HECW2: variants seen among roughly 807,000 people sequenced by gnomAD.
HECW2 encodes the protein E3 ubiquitin-protein ligase HECW2.
Under a neutral mutation model 175.2 loss-of-function variants are expected in HECW2, and 61 were observed. The observed-to-expected ratio is 0.35, with a 90% CI of 0.28 to 0.43. HECW2 has a LOEUF of 0.43. Among genes scored for constraint, HECW2 ranks in the 20% least tolerant of loss-of-function variants. The pLI is 1.00. For synonymous variants in HECW2, 671 were observed against 731.0 expected (o/e 0.92, Z 1.32); for missense variants, 1,524 against 2,000.5 (o/e 0.76, Z 4.54).
At position 196,483,607 on chromosome 2, in the gene HECW2, A is replaced by G. The variant is rs77772394; in HGVS notation, c.-35-50149T>C. Among the ~76,000 whole-genome samples, 1,107 of 152,330 alleles carry G rather than the reference A, an allele frequency of 7.3e-3. 22 individuals carry two copies. Among genetic ancestry groups the G allele is most frequent in the African/African-American group, 0.026 (1,062 of 41,560 alleles). On this transcript the variant is annotated intron_variant, in intron 1 of 28. Coordinates refer to ENST00000644978, the MANE Select transcript of HECW2 (RefSeq NM_001348768.2). Reference sequence around the variant, plus strand: ...GAGAACACACCATCACCTCTAAAGTATAAGTCTTACCAAAAATATCAAACC... The same window carrying G: ...GAGAACACACCATCACCTCTAAAGTGTAAGTCTTACCAAAAATATCAAACC...
At chr2:196,371,733 G>A (rs900205651) in intron 2 of HECW2, among the ~76,000 whole-genome samples, 1 of 152,006 alleles carries the variant, frequency 6.6e-6, no homozygotes, top group African/African-American at 2.4e-5. Flanking sequence ...GGTAGTCTGC[G>A]AAGCACTGGT....
rs200129206 is a variant in HECW2 at position 196,319,479 on chromosome 2, C to T, written c.1411G>A (p.Glu471Lys). 5.3e-5 allele frequency: 85 copies of T among 1,613,988 alleles called. No individual in the cohort carries two copies. Among genetic ancestry groups the T allele is most frequent in the Non-Finnish European group, 6.5e-5 (77 of 1,180,028 alleles). The stretch of plus-strand genomic sequence containing the variant: ...GGGTAACCCAGGTCTTGCTGGAACT[C>T]GTGATCTTCTTCATCTGAATCAATA... ...LHIDSDEEDH[E>K]FQQDLGYPSS... The change falls in exon 9 of 29, where the codon GAG becomes AAG. Residue 471 changes from glutamate (E) to lysine (K), a missense_variant. Coordinates refer to ENST00000644978, the MANE Select transcript of HECW2 (RefSeq NM_001348768.2).
At chr2:196,551,917 C>T (rs1318587414) in intron 1 of HECW2, among the ~76,000 whole-genome samples, 3 of 152,178 alleles carry the variant, frequency 2.0e-5, no homozygotes, top group Admixed American at 6.5e-5. Context: ...ATATGCAATA[C>T]TTCTTCATTT....
At chr2:196,397,481 T>C (rs769278813) in intron 2 of HECW2, among the ~76,000 whole-genome samples, 2 of 152,248 alleles carry the variant, frequency 1.3e-5, no homozygotes, top group Admixed American at 6.5e-5. Context: ...TAAATTCTTT[T>C]TGGGGTGAAG....
chr2:196,512,693 C>T (rs925734164), intron 1 of HECW2, among the ~76,000 whole-genome samples: 2 of 144,900 alleles, frequency 1.4e-5, no homozygotes, highest in Admixed American at 6.9e-5. Context: ...CCAGATTATA[C>T]TTTTTTTTTT....
intron 1 of HECW2, among the ~76,000 whole-genome samples, chr2:196,582,051 G>A (rs1005956292): frequency 7.0e-6 from 1 of 141,980 alleles, no homozygotes; most frequent in Non-Finnish European, 1.5e-5. Flanking sequence ...GGGTGACATA[G>A]TGAGACTCCA....
At chr2:196,206,347 A>C (rs1252161888) in intron 28 of HECW2, among the ~76,000 whole-genome samples, 2 of 152,234 alleles carry the variant, frequency 1.3e-5, no homozygotes, top group African/African-American at 2.4e-5. Context: ...GACTTAATAG[A>C]TCTCTTGGTG....
chr2:196,446,688 T>C (rs1296587316), intron 1 of HECW2, among the ~76,000 whole-genome samples: 2 of 152,220 alleles, frequency 1.3e-5, no homozygotes, highest in African/African-American at 2.4e-5. Flanking sequence ...TTTTAAAGTC[T>C]GAGGTTACCA....
At chr2:196,383,197 CG>C (rs1299730005) in intron 2 of HECW2, among the ~76,000 whole-genome samples, 1 of 152,166 alleles carries the variant, frequency 6.6e-6, no homozygotes, top group Non-Finnish European at 1.5e-5. Context: ...GTCTGATTTG[CG>C]TAACTGCTGC....
At position 196,355,354 on chromosome 2, in the gene HECW2, G is replaced by A. The variant is rs1693325161; in HGVS notation, c.293-11590C>T. On this transcript the variant is annotated intron_variant, in intron 2 of 28. Coordinates refer to ENST00000644978, the MANE Select transcript of HECW2 (RefSeq NM_001348768.2). ...GTAAACCCGAACCCTTTTAAATGGT[G>A]AAGTATGGCCAGCATTTGGTAGCTC... Among the ~76,000 whole-genome samples, 3 of 152,202 alleles carry A rather than the reference G, an allele frequency of 2.0e-5. No individual in the cohort carries two copies. The South Asian group carries it at 6.2e-4, about 31-fold the overall frequency.
chr2:196,478,436 A>G (rs1399991317), intron 1 of HECW2, among the ~76,000 whole-genome samples: 1 of 152,186 alleles, frequency 6.6e-6, no homozygotes, highest in African/African-American at 2.4e-5. Context: ...CAGGTTTCAC[A>G]TTGCCCAGTA....
intron 1 of HECW2, among the ~76,000 whole-genome samples, chr2:196,553,028 AG>A (rs1689657836): frequency 6.6e-6 from 1 of 152,198 alleles, no homozygotes; most frequent in African/African-American, 2.4e-5. Context: ...AAGCCCCAGA[AG>A]GGGTGGGCGA....
At chr2:196,433,801 G>A (rs1386361113) in intron 1 of HECW2, among the ~76,000 whole-genome samples, 1 of 152,096 alleles carries the variant, frequency 6.6e-6, no homozygotes, top group African/African-American at 2.4e-5. Context: ...TCCTCTTCTC[G>A]TTTTCCATCC....
intron 21 of HECW2, among the ~76,000 whole-genome samples, chr2:196,237,958 G>A (rs917831930): frequency 6.6e-6 from 1 of 152,344 alleles, no homozygotes; most frequent in Admixed American, 6.5e-5. Context: ...CTGGGTGCCA[G>A]ATACATGTGT....
intron 1 of HECW2, among the ~76,000 whole-genome samples, chr2:196,480,233 T>TCTTAATATAAGA (rs1686795042): frequency 6.6e-6 from 1 of 152,228 alleles, no homozygotes; most frequent in Non-Finnish European, 1.5e-5. Flanking sequence ...CTTTGCCAAC[T>TCTTAATATAAGA]TCTTTAATAT....
chr2:196,536,548 C>T (rs796799997), intron 1 of HECW2, among the ~76,000 whole-genome samples: 68 of 152,242 alleles, frequency 4.5e-4, no homozygotes, highest in African/African-American at 1.6e-3. Flanking sequence ...TACCGACAAG[C>T]GAAGAAGCAA....
chr2:196,260,096 A>G (rs17827837), intron 17 of HECW2: 31,753 of 152,164 alleles, frequency 0.21, 3,804 homozygotes, highest in Middle Eastern at 0.29. Flanking sequence ...TAAGAAAAAC[A>G]TCATCGCTTC....
At chr2:196,413,981 G>A (rs139328874) in intron 2 of HECW2, among the ~76,000 whole-genome samples, 6 of 152,278 alleles carry the variant, frequency 3.9e-5, no homozygotes, top group African/African-American at 1.2e-4. Flanking sequence ...TTCTGCCTTC[G>A]TTGTGTGTTG....
chr2:196,321,800 C>T lies in HECW2; in HGVS notation c.884+678G>A, dbSNP rs556679114. Reference sequence around the variant, plus strand: ...TCAGAAGGAAGATACAATGTTTCTTCTATCTACTCTTTGCTCCACTGTACA... The same window carrying T: ...TCAGAAGGAAGATACAATGTTTCTTTTATCTACTCTTTGCTCCACTGTACA... On this transcript the variant is annotated intron_variant, in intron 7 of 28. Coordinates refer to ENST00000644978, the MANE Select transcript of HECW2 (RefSeq NM_001348768.2). 1.3e-4 allele frequency among the ~76,000 whole-genome samples: 20 copies of T among 152,310 alleles called. 1 individual carries two copies. The South Asian group carries it at 3.1e-3, about 24-fold the overall frequency.
Sources: allele counts gnomAD v4.1 joint callset (sites outside exome capture counted in the v4.1 genomes callset), GRCh38; gene constraint gnomAD v4.1.1; transcripts MANE v1.5; gene names NCBI Gene and HGNC (gene_info 2026-07-23, HGNC 2026-07-21).